STPG2: variants seen among roughly 807,000 people sequenced by gnomAD.
STPG2 encodes sperm tail PG-rich repeat containing 2, also known as sperm-tail PG-rich repeat-containing protein 2.
In STPG2, 56 loss-of-function variants were observed where a neutral mutation model predicts 54.2. The ratio of observed to expected loss-of-function variants is 1.03; its 90% CI spans 0.83 to 1.29. The LOEUF is 1.29. Among genes scored for constraint, STPG2 ranks in the 50% most tolerant of loss-of-function variants. The pLI is 0.00. For synonymous variants in STPG2, 200 were observed against 181.8 expected (o/e 1.10, Z -0.81); for missense variants, 596 against 544.9 (o/e 1.09, Z -0.93).
chr4:97,523,839 C>A (rs914883526), intron 4 of STPG2, among the ~76,000 whole-genome samples: 1 of 151,952 alleles, frequency 6.6e-6, no homozygotes, highest in Non-Finnish European at 1.5e-5. Flanking sequence ...GCTGGCAAAA[C>A]AATGCCAAAT....
chr4:98,001,767 C>A (rs554367617), intron 5 of STPG2, among the ~76,000 whole-genome samples: 5 of 152,168 alleles, frequency 3.3e-5, no homozygotes, highest in African/African-American at 4.8e-5. Flanking sequence ...TTATTAAATT[C>A]TTTTGTTCAC....
In STPG2 at chr4:98,112,322, C is replaced by A. The variant is rs569132666; in HGVS notation, c.388-3017G>T. 5.9e-5 allele frequency among the ~76,000 whole-genome samples: 9 copies of A among 152,150 alleles called. No homozygotes were observed. In the East Asian group the frequency reaches 1.5e-3, roughly 26 times the overall value. ...TCTTTGTAATCTGTACCAGACAGTA[C>A]AATAACATGCTATTCAGGCTTGAAC... On this transcript the variant is annotated intron_variant, in intron 3 of 10. Coordinates refer to ENST00000295268, the MANE Select transcript of STPG2 (RefSeq NM_174952.3).
chr4:97,869,076 G>T (rs1729889522), intron 8 of STPG2, among the ~76,000 whole-genome samples: 1 of 151,752 alleles, frequency 6.6e-6, no homozygotes. Flanking sequence ...CAGAAACAAA[G>T]AAAGTTTGAA....
At chr4:97,707,060 A>C (rs1723967121) in intron 10 of STPG2, among the ~76,000 whole-genome samples, 1 of 152,188 alleles carries the variant, frequency 6.6e-6, no homozygotes, top group African/African-American at 2.4e-5. Flanking sequence ...CAGATGAAGC[A>C]AATGAGATCT....
At chr4:97,894,040 A>G (rs958393394) in intron 8 of STPG2, among the ~76,000 whole-genome samples, 2 of 152,040 alleles carry the variant, frequency 1.3e-5, no homozygotes, top group African/African-American at 4.8e-5. Context: ...TCAATTATAT[A>G]GAGTATAAAG....
intron 8 of STPG2, among the ~76,000 whole-genome samples, chr4:97,939,515 A>G (rs1209391900): frequency 6.6e-6 from 1 of 152,208 alleles, no homozygotes; most frequent in Non-Finnish European, 1.5e-5. Flanking sequence ...TAGAATAGCT[A>G]GGTCTTCTTG....
intron 8 of STPG2, among the ~76,000 whole-genome samples, chr4:97,934,890 C>G (rs1425506094): frequency 1.3e-5 from 2 of 151,986 alleles, no homozygotes; most frequent in African/African-American, 4.8e-5. Context: ...TAAGGAGAAG[C>G]CCCACCTTTT....
intron 8 of STPG2, among the ~76,000 whole-genome samples, chr4:97,932,185 A>T (rs1014170037): frequency 1.3e-5 from 2 of 152,094 alleles, no homozygotes. Flanking sequence ...TTTTTCAAAA[A>T]CCAACTCCTG....
chr4:98,059,413 T>C (rs1332814706), intron 5 of STPG2, among the ~76,000 whole-genome samples: 2 of 151,838 alleles, frequency 1.3e-5, no homozygotes, highest in Non-Finnish European at 2.9e-5. Context: ...CAGTAATAAA[T>C]AGCCTACCAA....
chr4:97,888,120 G>T (rs1730645760), intron 8 of STPG2, among the ~76,000 whole-genome samples: 1 of 152,206 alleles, frequency 6.6e-6, no homozygotes, highest in African/African-American at 2.4e-5. Context: ...CCTGCTGCAG[G>T]GGCAGAGCCT....
chr4:97,877,776 T>C (rs1730232873), intron 8 of STPG2, among the ~76,000 whole-genome samples: 1 of 152,038 alleles, frequency 6.6e-6, no homozygotes, highest in South Asian at 2.1e-4. Context: ...TCTCATGTCT[T>C]CACATCTCAA....
Position 97,634,964 on chromosome 4 carries a change from T to C in STPG2, c.1321-75847A>G, listed in dbSNP as rs888079004. Among the ~76,000 whole-genome samples the C allele has an allele frequency of 5.1e-4, 77 of 151,966 alleles. No homozygotes were observed. The Middle Eastern group carries it at 0.021, about 41-fold the overall frequency. On this transcript the variant is annotated intron_variant, in intron 10 of 10. Coordinates refer to ENST00000295268, the MANE Select transcript of STPG2 (RefSeq NM_174952.3). The stretch of plus-strand genomic sequence containing the variant: ...TCCCCAATCTACCAAGGCAGGCCAA[T>C]GTTCAGATTCAGGAAATACAGAGAA...
chr4:97,664,232 A>T (rs1473635608), intron 10 of STPG2, among the ~76,000 whole-genome samples: 1 of 152,144 alleles, frequency 6.6e-6, no homozygotes, highest in African/African-American at 2.4e-5. Context: ...CAAATAAGAA[A>T]CCTACACATA....
chr4:97,543,148 T>TA (rs1487773501), intron 4 of STPG2, among the ~76,000 whole-genome samples: 1 of 150,496 alleles, frequency 6.6e-6, no homozygotes, highest in South Asian at 2.1e-4. Context: ...TAAATAATAA[T>TA]AAAAAAATAA....
chr4:98,014,784 A>C (rs804051), intron 5 of STPG2, among the ~76,000 whole-genome samples: 1,774 of 151,966 alleles, frequency 0.012, 28 homozygotes, highest in African/African-American at 0.041. Flanking sequence ...GTTTCTTGTA[A>C]GTCAGGTATA....
At chr4:97,542,616 C>T (rs1560652262) in intron 4 of STPG2, among the ~76,000 whole-genome samples, 1 of 152,158 alleles carries the variant, frequency 6.6e-6, no homozygotes, top group Admixed American at 6.6e-5. Flanking sequence ...CATCCCATTA[C>T]TGGGTATATA....
intron 7 of STPG2, among the ~76,000 whole-genome samples, chr4:97,944,797 A>T (rs1331964576): frequency 6.6e-6 from 1 of 152,114 alleles, no homozygotes; most frequent in Non-Finnish European, 1.5e-5. Flanking sequence ...AACATCCATT[A>T]CCCACCTAAT....
intron 9 of STPG2, among the ~76,000 whole-genome samples, chr4:97,806,488 T>C (rs779611235): frequency 4.6e-5 from 7 of 152,000 alleles, no homozygotes; most frequent in Admixed American, 2.0e-4. Flanking sequence ...AAAACAAATC[T>C]ACACATGTAC....
intron 4 of STPG2, among the ~76,000 whole-genome samples, chr4:97,540,064 G>C (rs1484664769): frequency 6.6e-6 from 1 of 152,124 alleles, no homozygotes; most frequent in Non-Finnish European, 1.5e-5. Context: ...ACAATTAAAA[G>C]AACTAGAGAA....
Sources: allele counts gnomAD v4.1 joint callset (sites outside exome capture counted in the v4.1 genomes callset), GRCh38; gene constraint gnomAD v4.1.1; transcripts MANE v1.5; gene names NCBI Gene and HGNC (gene_info 2026-07-23, HGNC 2026-07-21).